COL5A3: variants seen among roughly 807,000 people sequenced by gnomAD.
COL5A3 encodes collagen type V alpha 3 chain, also known as collagen alpha-3(V) chain.
A neutral mutation model predicts 250.0 loss-of-function variants in COL5A3; 172 were observed. That is an observed-to-expected ratio of 0.69 (90% CI 0.61 to 0.78). The LOEUF is 0.78. Ranked by LOEUF, COL5A3 falls within the 30% of genes least tolerant of loss-of-function variation. The pLI is 0.00. For missense variants in COL5A3, 2,340 were observed against 2,334.4 expected, an observed-to-expected ratio of 1.00 and a Z score of -0.05; for synonymous variants, 937 against 900.4, an observed-to-expected ratio of 1.04 and a Z score of -0.73.
intron 8 of COL5A3, 112 bp downstream of exon 8, chr19:10,001,412 G>T: frequency 9.0e-7 from 1 of 1,106,706 alleles, no homozygotes; most frequent in African/African-American, 1.6e-5. Flanking sequence ...CTCCCAAAGT[G>T]TTCGGATTAC....
chr19:9,992,734 G>A (rs961514263), intron 21 of COL5A3, 93 bp downstream of exon 21: 59 of 1,290,284 alleles, frequency 4.6e-5, no homozygotes, highest in Middle Eastern at 5.3e-4. Context: ...CTGAGATCTC[G>A]CCACCGCACT....
In COL5A3 at chr19:9,962,879, C is replaced by T; in HGVS notation, c.4791G>A (p.Leu1597=). 2.5e-6 allele frequency: 4 copies of T among 1,609,372 alleles called. No individual in the cohort carries two copies. Among genetic ancestry groups the T allele is most frequent in the Non-Finnish European group, 3.4e-6 (4 of 1,177,556 alleles). ...YPDKKFEIVK[L]ASWSKEKPGG... is the part of the protein sequence containing the mutation. ...CAGGCTTTTCCTTGGACCAGGAGGCCAATTTCACCTGGAAGAGAAAAGGGA... is the reference window on the plus strand; with the variant it reads ...CAGGCTTTTCCTTGGACCAGGAGGCTAATTTCACCTGGAAGAGAAAAGGGA... The change falls in exon 65 of 67, where the codon TTG becomes TTA. Residue 1597 remains leucine, a synonymous_variant. Coordinates refer to ENST00000264828, the MANE Select transcript of COL5A3 (RefSeq NM_015719.4).
chr19:10,009,161 GGTGTGTGTGTGT>G lies in COL5A3; in HGVS notation c.88+1125_88+1136del, dbSNP rs4044577. On this transcript the variant is annotated intron_variant, in intron 1 of 66. Coordinates refer to ENST00000264828, the MANE Select transcript of COL5A3 (RefSeq NM_015719.4). The surrounding 1 kb of genome is among the most constrained non-coding windows in gnomAD (Gnocchi z 4.4). The stretch of plus-strand genomic sequence containing the variant: ...GACTCCAAAGTAAGAAGTGTGCTGT[GGTGTGTGTGTGT>G]GTGTGTGTGTGTGTGTGTGTGTGTG... 7.4e-4 allele frequency among the ~76,000 whole-genome samples: 104 copies of G among 140,432 alleles called. 1 individual carries two copies. In the East Asian group the frequency reaches 0.011, roughly 15 times the overall value. 92.1% of individuals were successfully genotyped at this position (140,432 alleles called of 152,430 possible).
At position 10,005,963 on chromosome 19, in the gene COL5A3, G is replaced by A; in HGVS notation, c.270C>T (p.Phe90=). The part of the protein sequence containing the change: ...LFPEGHFPEN[F]SLLITLRGQP... ...GTCCCCGCAAGGTGATCAGCAAGGA[G>A]AAGTTCTCAGGAAAGTGGCCTTCTG... is the stretch of plus-strand genomic sequence containing the variant. Residue 90 remains phenylalanine, a synonymous_variant, in exon 3 of 67, where the codon TTC becomes TTT. Coordinates refer to ENST00000264828, the MANE Select transcript of COL5A3 (RefSeq NM_015719.4). 1 of 1,613,918 alleles carries A rather than the reference G, an allele frequency of 6.2e-7. No homozygotes were observed. The highest frequency in any genetic ancestry group is 8.5e-7 in the Non-Finnish European group (1 of 1,179,824).
rs1016188801 is a variant in COL5A3, at chr19:9,989,191, A to C, written c.2092-14T>G. ...CCCTGGTGGACCCTGGGAGGAAAAT[A>C]AGGTCAGTGCCATTCTAGACAGTCC... On this transcript the variant is annotated splice_polypyrimidine_tract_variant and intron_variant, in intron 26 of 66. Transcript: ENST00000264828. 1.9e-6 allele frequency: 3 copies of C among 1,614,104 alleles called. No individual in the cohort carries two copies.
Position 10,004,051 on chromosome 19 carries a change from G to A in COL5A3, c.689C>T (p.Ala230Val). The change falls in exon 5 of 67, where the codon GCA becomes GTA. Residue 230 changes from alanine to valine, a missense_variant. Transcript: ENST00000264828. ...YLPDCDNLAPAATVAPQGEPE... is the reference protein window; with the variant it reads ...YLPDCDNLAPVATVAPQGEPE... Reference sequence around the variant, plus strand: ...GAGTCCCTCACTCACCACTGTGGCTGCCGGTGCCAGGTTGTCACAGTCGGG... The same window carrying A: ...GAGTCCCTCACTCACCACTGTGGCTACCGGTGCCAGGTTGTCACAGTCGGG... The A allele has an allele frequency of 6.2e-7, 1 of 1,613,240 alleles. No homozygotes were observed. The highest frequency in any genetic ancestry group is 8.5e-7 in the Non-Finnish European group (1 of 1,179,216).
At chr19:9,996,381 G>A in intron 13 of COL5A3, 52 bp downstream of exon 13, 2 of 1,595,164 alleles carry the variant, frequency 1.3e-6, no homozygotes, top group South Asian at 1.1e-5. Flanking sequence ...CTTACGCCGA[G>A]GCTCTATCAC....
At chr19:9,967,606 A>T in intron 61 of COL5A3, 1 of 574,974 alleles carries the variant, frequency 1.7e-6, no homozygotes, top group Non-Finnish European at 3.0e-6. Context: ...CATCAGACAC[A>T]AATTTTCTTT....
chr19:10,001,921 G>A (rs45525137), intron 6 of COL5A3, 40 bp from the exon 7 acceptor site: 47,324 of 1,467,416 alleles, frequency 0.032, 1,256 homozygotes, highest in African/African-American at 0.12. Context: ...CTCGGGTGAG[G>A]GCAATCAAGA....
chr19:9,966,621 C>T lies in COL5A3; in HGVS notation c.4584G>A (p.Glu1528=). Reference sequence around the variant, plus strand: ...CAGTGCCGGGAGGACGCCGCAGCTGCTCCAGCTCCAAGCTCAGCGATGTGA... The same window carrying T: ...CAGTGCCGGGAGGACGCCGCAGCTGTTCCAGCTCCAAGCTCAGCGATGTGA... ...ASLTSLSLEL[E]QLRRPPGTAE... Residue 1528 remains glutamate (E), a synonymous_variant, in exon 63 of 67, where the codon GAG becomes GAA. Transcript: ENST00000264828. The T allele has an allele frequency of 6.5e-7, 1 of 1,538,974 alleles. No homozygotes were observed. The highest frequency in any genetic ancestry group is 1.2e-5 in the South Asian group (1 of 84,054).
chr19:9,984,836 G>A (rs1029551377), intron 31 of COL5A3, among the ~76,000 whole-genome samples: 2 of 151,814 alleles, frequency 1.3e-5, no homozygotes, highest in African/African-American at 4.8e-5. Context: ...TGTCACCCAC[G>A]CTGGGGTGCA....
rs1211776778 is a variant in COL5A3 at position 9,997,965 on chromosome 19, A to G, written c.1200+19T>C. On this transcript the variant is annotated intron_variant, in intron 10 of 66. Transcript: ENST00000264828. ...CTGGAAGGGAAAGACTGGAAGAAGG[A>G]AACACAGCCATGACTTACTTGGGGT... 1 of 1,613,928 alleles carries G rather than the reference A, an allele frequency of 6.2e-7. No homozygotes were observed. The highest frequency in any genetic ancestry group is 1.7e-5 in the Admixed American group (1 of 60,008).
intron 27 of COL5A3, among the ~76,000 whole-genome samples, chr19:9,988,855 A>AAAAAAAAAAAAGAGAGAGAGAAAG (rs1269531312): frequency 2.3e-4 from 24 of 104,726 alleles, no homozygotes; most frequent in African/African-American, 9.8e-4. Context: ...AAAAAAAAAA[A>AAAAAAAAAAAAGAGAGAGAGAAAG]AAAGAAAGTA....
intron 1 of COL5A3, among the ~76,000 whole-genome samples, chr19:10,006,834 C>T (rs1442120996): frequency 6.6e-6 from 1 of 151,708 alleles, no homozygotes; most frequent in Non-Finnish European, 1.5e-5. Context: ...TTCTGCCTGA[C>T]CCCAGCCTAT....
Position 9,960,379 on chromosome 19 carries a change from C to T in COL5A3, c.*32G>A. On this transcript the variant is annotated 3_prime_UTR_variant, in exon 67 of 67. Transcript: ENST00000264828. Reference sequence around the variant, plus strand: ...GCACCAAATGCACCCCATTCTGGGGCTCCCTCATGGTCCCTCCCACCCCGG... The same window carrying T: ...GCACCAAATGCACCCCATTCTGGGGTTCCCTCATGGTCCCTCCCACCCCGG... The T allele has an allele frequency of 1.2e-6, 2 of 1,612,960 alleles. No individual in the cohort carries two copies. The highest frequency in any genetic ancestry group is 1.7e-6 in the Non-Finnish European group (2 of 1,179,424).
chr19:9,960,327 G>A lies in COL5A3; in HGVS notation c.*84C>T, dbSNP rs1286609825. The A allele has an allele frequency of 8.4e-6, 13 of 1,550,512 alleles. No homozygotes were observed. The highest frequency in any genetic ancestry group is 5.7e-5 in the South Asian group (5 of 88,160). On this transcript the variant is annotated 3_prime_UTR_variant, in exon 67 of 67. Coordinates refer to ENST00000264828, the MANE Select transcript of COL5A3 (RefSeq NM_015719.4). Reference sequence around the variant, plus strand: ...CATTGGCTCCATAGTCACAGGTAACGAAAAATACGGTGGCTTCAAAGCCTC... The same window carrying A: ...CATTGGCTCCATAGTCACAGGTAACAAAAAATACGGTGGCTTCAAAGCCTC...
Position 9,979,828 on chromosome 19 carries a change from G to T in COL5A3, c.2712+11C>A, listed in dbSNP as rs777210436. On this transcript the variant is annotated intron_variant, in intron 37 of 66. Coordinates refer to ENST00000264828, the MANE Select transcript of COL5A3 (RefSeq NM_015719.4). ...AAAGGATCAGGAATCAAAGGTTGAGGGGTTACTCACCAGTTCTCCTCTCTG... is the reference window on the plus strand; with the variant it reads ...AAAGGATCAGGAATCAAAGGTTGAGTGGTTACTCACCAGTTCTCCTCTCTG... 6.3e-7 allele frequency: 1 copy of T among 1,584,442 alleles called. No homozygotes were observed. The highest frequency in any genetic ancestry group is 8.5e-7 in the Non-Finnish European group (1 of 1,170,582).
chr19:9,979,689 G>A, intron 37 of COL5A3, 150 bp downstream of exon 37: 3 of 798,520 alleles, frequency 3.8e-6, no homozygotes, highest in South Asian at 3.5e-5. Flanking sequence ...GGGAGGCTGA[G>A]GCAGGAGAAT....
intron 64 of COL5A3, among the ~76,000 whole-genome samples, 181 bp from the exon 65 acceptor site, chr19:9,963,068 C>A (rs35427045): frequency 0.19 from 28,499 of 152,064 alleles, 2,855 homozygotes; most frequent in South Asian, 0.3. Context: ...CTGAGGCAGC[C>A]CTCACCCAAT....
Sources: gnomAD v4.1 joint callset for allele counts (sites outside exome capture counted in the v4.1 genomes callset) on GRCh38, gnomAD v4.1.1 for gene constraint, Gnocchi (gnomAD v3.1) non-coding constraint, MANE v1.5 for transcripts, NCBI Gene and HGNC (gene_info 2026-07-23, HGNC 2026-07-21) for gene names.